The following ERBB4 variants were observed in gnomAD, a reference collection of about 807,000 sequenced individuals.
ERBB4 encodes receptor tyrosine-protein kinase erbB-4.
In ERBB4, 42 loss-of-function variants were observed where a neutral mutation model predicts 158.0. That is an observed-to-expected ratio of 0.27 (90% CI 0.21 to 0.34). The LOEUF (loss-of-function observed/expected upper bound fraction) is 0.34, where lower values mean the gene tolerates loss of function less well. ERBB4 is among the 10% of genes least tolerant of loss of function. The pLI is 1.00. For missense variants in ERBB4, 1,333 were observed against 1,624.1 expected (o/e 0.82, Z 3.08); for synonymous variants, 583 against 558.7 (o/e 1.04, Z -0.61).
At chr2:211,980,330 C>T (rs1448610239) in intron 2 of ERBB4, among the ~76,000 whole-genome samples, 1 of 152,116 alleles carries the variant, frequency 6.6e-6, no homozygotes, top group Non-Finnish European at 1.5e-5. Flanking sequence ...CCCTGACTTT[C>T]AGTGCATCAA....
intron 2 of ERBB4, among the ~76,000 whole-genome samples, chr2:212,120,005 A>G (rs1293080711): frequency 6.6e-6 from 1 of 152,164 alleles, no homozygotes; most frequent in Non-Finnish European, 1.5e-5. Flanking sequence ...ATCTTTTTCT[A>G]GTTTAAGGGG....
intron 1 of ERBB4, among the ~76,000 whole-genome samples, chr2:212,471,746 G>T (rs1158973289): frequency 1.3e-5 from 2 of 151,802 alleles, no homozygotes; most frequent in Non-Finnish European, 3.0e-5. Context: ...GTTACATTTT[G>T]CATATGTAAA....
At chr2:211,676,426 G>T (rs544335029) in intron 13 of ERBB4, among the ~76,000 whole-genome samples, 25 of 152,236 alleles carry the variant, frequency 1.6e-4, no homozygotes, top group African/African-American at 5.8e-4. Flanking sequence ...CAGGAAACCT[G>T]TATTTTTCTT....
intron 20 of ERBB4, among the ~76,000 whole-genome samples, chr2:211,438,845 G>A (rs2063911647): frequency 6.6e-6 from 1 of 152,054 alleles, no homozygotes; most frequent in African/African-American, 2.4e-5. Flanking sequence ...CAAGAAGCCT[G>A]GTTAGGTTGC....
chr2:211,923,691 T>C (rs1248863925), intron 3 of ERBB4, among the ~76,000 whole-genome samples: 3 of 151,918 alleles, frequency 2.0e-5, no homozygotes, highest in Non-Finnish European at 4.4e-5. Flanking sequence ...TCTGGCTTTT[T>C]AGAGGTTGCT....
chr2:211,897,300 AT>A (rs1244655505), intron 3 of ERBB4, among the ~76,000 whole-genome samples: 2 of 152,020 alleles, frequency 1.3e-5, no homozygotes, highest in Non-Finnish European at 2.9e-5. Flanking sequence ...GTAAAAATGA[AT>A]TTCCTAGCTT....
At position 211,702,046 on chromosome 2, in the gene ERBB4, A is replaced by G. The variant is rs779407649; in HGVS notation, c.1410T>C (p.His470=). 8 of 1,613,752 alleles carry G rather than the reference A, an allele frequency of 5.0e-6. No individual in the cohort carries two copies. In the Admixed American group the frequency reaches 1.3e-4, roughly 27 times the overall value. The change falls in exon 12 of 28, where the codon CAT becomes CAC. Residue 470 remains histidine (H), a synonymous_variant. Transcript: ENST00000342788. The part of the protein sequence containing the change: ...ITDNSNLCYY[H]TINWTTLFST... Reference sequence around the variant, plus strand: ...TGAAGAGTGTTGTCCAGTTAATGGTATGATAATAACACAGGTTGCTGTTGT... The same window carrying G: ...TGAAGAGTGTTGTCCAGTTAATGGTGTGATAATAACACAGGTTGCTGTTGT...
chr2:211,857,700 T>C (rs2077906568), intron 3 of ERBB4, among the ~76,000 whole-genome samples: 1 of 152,222 alleles, frequency 6.6e-6, no homozygotes, highest in Non-Finnish European at 1.5e-5. Context: ...GAATACAATT[T>C]ACCTACCTGA....
chr2:212,069,752 T>C (rs1470776261), intron 2 of ERBB4, among the ~76,000 whole-genome samples: 1 of 152,050 alleles, frequency 6.6e-6, no homozygotes, highest in Non-Finnish European at 1.5e-5. Context: ...AAATAAACTG[T>C]ATTTCTTTAT....
chr2:211,528,559 T>C (rs918666204), intron 20 of ERBB4, among the ~76,000 whole-genome samples: 57 of 152,114 alleles, frequency 3.7e-4, no homozygotes, highest in Non-Finnish European at 7.7e-4. Flanking sequence ...GAATACAAAT[T>C]CCTTTCCTCA....
intron 1 of ERBB4, among the ~76,000 whole-genome samples, chr2:212,395,700 A>G (rs1351678723): frequency 6.9e-6 from 1 of 145,204 alleles, no homozygotes; most frequent in Non-Finnish European, 1.5e-5. Flanking sequence ...CCTCACTGCA[A>G]CCTCTGCCTC....
At chr2:211,401,881 G>A (rs2063050518) in intron 25 of ERBB4, among the ~76,000 whole-genome samples, 1 of 151,476 alleles carries the variant, frequency 6.6e-6, no homozygotes, top group Admixed American at 6.6e-5. Flanking sequence ...AAAAGTACTA[G>A]AAAGGTAAGA....
At chr2:211,674,791 T>C (rs2071989625) in intron 13 of ERBB4, among the ~76,000 whole-genome samples, 1 of 152,170 alleles carries the variant, frequency 6.6e-6, no homozygotes. Flanking sequence ...CACTTGAGAT[T>C]ATCCACTGGT....
chr2:211,550,447 A>G (rs1413895183), intron 20 of ERBB4, among the ~76,000 whole-genome samples: 9 of 151,520 alleles, frequency 5.9e-5, no homozygotes, highest in Non-Finnish European at 1.3e-4. Flanking sequence ...AGGAAAGAGG[A>G]AATGACGAGG....
intron 1 of ERBB4, among the ~76,000 whole-genome samples, chr2:212,488,825 A>T (rs1690117722): frequency 6.6e-6 from 1 of 151,316 alleles, no homozygotes; most frequent in Admixed American, 6.6e-5. Context: ...TCTTGAGTTC[A>T]TTGCAAATAT....
At chr2:212,292,085 T>A (rs1256719960) in intron 1 of ERBB4, among the ~76,000 whole-genome samples, 10 of 151,976 alleles carry the variant, frequency 6.6e-5, no homozygotes, top group African/African-American at 1.9e-4. Flanking sequence ...TTGCTTTTTT[T>A]AAATTTTTTT....
At chr2:212,470,361 C>G (rs535470955) in intron 1 of ERBB4, among the ~76,000 whole-genome samples, 2 of 152,026 alleles carry the variant, frequency 1.3e-5, no homozygotes, top group Admixed American at 6.6e-5. Flanking sequence ...ATTTGAGGAA[C>G]CTATTTTCTG....
chr2:211,440,076 A>G (rs1329601527), intron 20 of ERBB4, among the ~76,000 whole-genome samples: 2 of 152,228 alleles, frequency 1.3e-5, no homozygotes, highest in African/African-American at 4.8e-5. Flanking sequence ...AAAACAAAAA[A>G]GCAAATTAAA....
intron 3 of ERBB4, among the ~76,000 whole-genome samples, chr2:211,916,822 AATAGGAAAGAC>A (rs1354182242): frequency 6.6e-6 from 1 of 152,190 alleles, no homozygotes; most frequent in African/African-American, 2.4e-5. Flanking sequence ...AAGAATGTTT[AATAGGAAAGAC>A]ATAGGAAATA....
Sources: gnomAD v4.1 joint callset for allele counts (sites outside exome capture counted in the v4.1 genomes callset) on GRCh38, gnomAD v4.1.1 for gene constraint, MANE v1.5 for transcripts, NCBI Gene and HGNC (gene_info 2026-07-23, HGNC 2026-07-21) for gene names.